CNTN3: variants seen among roughly 807,000 people sequenced by gnomAD.
The protein encoded by CNTN3 is contactin-3.
In CNTN3, 60 loss-of-function variants were observed where a neutral mutation model predicts 119.1. The ratio of observed to expected loss-of-function variants is 0.50; its 90% confidence interval spans 0.41 to 0.62. The LOEUF is 0.62. CNTN3 is among the 20% of genes least tolerant of loss of function. CNTN3 has a pLI of 0.00. For synonymous variants in CNTN3, 450 were observed against 438.7 expected, an observed-to-expected ratio of 1.03 and a Z score of -0.32; for missense variants, 1,101 against 1,242.4, an observed-to-expected ratio of 0.89 and a Z score of 1.71.
intron 5 of CNTN3, among the ~76,000 whole-genome samples, chr3:74,398,929 A>G (rs995088014): frequency 2.6e-5 from 4 of 152,234 alleles, no homozygotes; most frequent in Non-Finnish European, 1.5e-5. Context: ...TGGGATATGC[A>G]GTGATATTGC....
At chr3:74,585,075 C>T (rs1212667725) in intron 1 of CNTN3, among the ~76,000 whole-genome samples, 1 of 152,134 alleles carries the variant, frequency 6.6e-6, no homozygotes, top group Non-Finnish European at 1.5e-5. Flanking sequence ...CAGAGTGTTT[C>T]CACCATTTTA....
At chr3:74,302,961 G>T (rs1453761918) in intron 13 of CNTN3, among the ~76,000 whole-genome samples, 154 bp from the exon 14 acceptor site, 1 of 152,192 alleles carries the variant, frequency 6.6e-6, no homozygotes, top group Non-Finnish European at 1.5e-5. Context: ...ACAATGGAAT[G>T]TATGGAAATA....
intron 22 of CNTN3, among the ~76,000 whole-genome samples, chr3:74,265,608 G>A (rs903047209): frequency 6.6e-6 from 1 of 152,100 alleles, no homozygotes; most frequent in South Asian, 2.1e-4. Context: ...TTTAGTCTAA[G>A]TATGGCAGCC....
chr3:74,380,589 C>G (rs1015954523), intron 5 of CNTN3, among the ~76,000 whole-genome samples: 1 of 152,182 alleles, frequency 6.6e-6, no homozygotes, highest in Non-Finnish European at 1.5e-5. Flanking sequence ...TGGAAATTTT[C>G]TTTAGTACAA....
intron 5 of CNTN3, among the ~76,000 whole-genome samples, chr3:74,414,026 C>A (rs1434886101): frequency 6.6e-6 from 1 of 151,770 alleles, no homozygotes; most frequent in African/African-American, 2.4e-5. Context: ...AAAACCTTAA[C>A]CAAGTGGTAA....
intron 11 of CNTN3, among the ~76,000 whole-genome samples, chr3:74,361,631 C>A (rs1267767842): frequency 6.6e-6 from 1 of 152,066 alleles, no homozygotes; most frequent in Non-Finnish European, 1.5e-5. Context: ...GTCTTCCCAG[C>A]GATTCAGGAA....
chr3:74,294,380 T>C (rs952935785), intron 19 of CNTN3, among the ~76,000 whole-genome samples: 16 of 152,334 alleles, frequency 1.1e-4, no homozygotes, highest in African/African-American at 3.8e-4. Context: ...GGTCCTCCCA[T>C]GCCTATTTGA....
intron 5 of CNTN3, among the ~76,000 whole-genome samples, chr3:74,413,279 A>G (rs1398069351): frequency 1.3e-5 from 2 of 152,210 alleles, no homozygotes; most frequent in African/African-American, 4.8e-5. Context: ...TAGGAAATCA[A>G]TCTTTATTCT....
intron 4 of CNTN3, among the ~76,000 whole-genome samples, chr3:74,447,730 A>G (rs1702074699): frequency 1.3e-5 from 2 of 152,146 alleles, no homozygotes. Context: ...CAAATGACAT[A>G]ATATGCAGAT....
At chr3:74,565,585 T>C (rs944043486) in intron 1 of CNTN3, among the ~76,000 whole-genome samples, 1 of 152,158 alleles carries the variant, frequency 6.6e-6, no homozygotes, top group African/African-American at 2.4e-5. Flanking sequence ...GGGACCATTA[T>C]TCAACCTACC....
intron 5 of CNTN3, among the ~76,000 whole-genome samples, chr3:74,392,866 G>C (rs1704950450): frequency 1.3e-5 from 2 of 152,010 alleles, no homozygotes; most frequent in Non-Finnish European, 2.9e-5. Context: ...CATGTTAAGT[G>C]GACAGCTTGG....
intron 1 of CNTN3, among the ~76,000 whole-genome samples, chr3:74,595,978 C>A (rs1704801529): frequency 6.6e-6 from 1 of 151,944 alleles, no homozygotes; most frequent in African/African-American, 2.4e-5. Flanking sequence ...AGATGATAAG[C>A]AACTTCAGCA....
At chr3:74,602,955 G>A (rs982624389) in intron 1 of CNTN3, among the ~76,000 whole-genome samples, 1 of 152,138 alleles carries the variant, frequency 6.6e-6, no homozygotes, top group Non-Finnish European at 1.5e-5. Flanking sequence ...CTGAAATGAA[G>A]AAGGTTTATT....
intron 1 of CNTN3, among the ~76,000 whole-genome samples, chr3:74,551,222 A>C (rs561495920): frequency 1.3e-5 from 2 of 152,324 alleles, no homozygotes; most frequent in South Asian, 4.1e-4. Flanking sequence ...GAGGTGCAGG[A>C]GAGATGCAGG....
intron 2 of CNTN3, among the ~76,000 whole-genome samples, chr3:74,512,911 T>TTGCAAAGTG (rs1168035296): frequency 1.5e-3 from 44 of 29,786 alleles, no homozygotes; most frequent in Non-Finnish European, 3.2e-3. Flanking sequence ...TAAATATCGC[T>TTGCAAAGTG]TGCAAGTGTG....
At chr3:74,285,806 TATATATATATATATATATATATATATATA>T (rs1702102268) in intron 19 of CNTN3, among the ~76,000 whole-genome samples, 2 of 95,612 alleles carry the variant, frequency 2.1e-5, no homozygotes, top group Admixed American at 1.9e-4. Context: ...TATATATATA[TATATATATATATATATATATATATATATA>T]TATAAAATTA....
rs199678199 is a variant in CNTN3, at chr3:74,264,458, G to C, written c.3030C>G (p.His1010Gln). ...RGSTSAISNV[H>Q]PMSSYMPIVL... ...CTATAGGCATATAACTTGACATAGGGTGGACATTCGAGATGGCTGAAGTGG... is the reference window on the plus strand; with the variant it reads ...CTATAGGCATATAACTTGACATAGGCTGGACATTCGAGATGGCTGAAGTGG... The change falls in exon 23 of 23, where the codon CAC (histidine) becomes CAG (glutamine). Residue 1010 changes from histidine to glutamine, a missense_variant. Coordinates refer to ENST00000263665, the MANE Select transcript of CNTN3 (RefSeq NM_020872.3). 6.2e-7 allele frequency: 1 copy of C among 1,612,202 alleles called. No individual in the cohort carries two copies. Among genetic ancestry groups the C allele is most frequent in the Non-Finnish European group, 8.5e-7 (1 of 1,178,800 alleles).
chr3:74,610,820 G>T (rs76478525), intron 1 of CNTN3, among the ~76,000 whole-genome samples: 5,983 of 152,018 alleles, frequency 0.039, 234 homozygotes, highest in East Asian at 0.093. Flanking sequence ...GATATTTCAG[G>T]GTTAGAACCA....
At chr3:74,266,378 C>T (rs978362954) in intron 22 of CNTN3, 103 bp downstream of exon 22, 19 of 1,214,106 alleles carry the variant, frequency 1.6e-5, no homozygotes, top group East Asian at 2.3e-5. Flanking sequence ...TGGATGTAAG[C>T]CTTGCTGGAA....
Sources: gnomAD v4.1 joint callset for allele counts (sites outside exome capture counted in the v4.1 genomes callset) on GRCh38, gnomAD v4.1.1 for gene constraint, MANE v1.5 for transcripts, NCBI Gene and HGNC (gene_info 2026-07-23, HGNC 2026-07-21) for gene names.